PIBF1: variants seen among roughly 807,000 people sequenced by gnomAD.
PIBF1 encodes the protein progesterone immunomodulatory binding factor 1, also known as progesterone-induced-blocking factor 1.
A neutral mutation model predicts 112.5 loss-of-function variants in PIBF1; 90 were observed. The observed-to-expected ratio is 0.80, with a 90% CI of 0.67 to 0.95. PIBF1 has a LOEUF of 0.95. PIBF1 is among the 40% of genes least tolerant of loss of function. The pLI is 0.00. For missense variants in PIBF1, 915 were observed against 852.3 expected (o/e 1.07, Z -0.92); for synonymous variants, 301 against 288.6 (o/e 1.04, Z -0.44).
At chr13:72,882,012 G>A (rs1280669819) in intron 10 of PIBF1, among the ~76,000 whole-genome samples, 26 of 151,928 alleles carry the variant, frequency 1.7e-4, no homozygotes. Context: ...GCAAAACTGA[G>A]GAATCACATT....
intron 10 of PIBF1, among the ~76,000 whole-genome samples, chr13:72,874,416 A>G (rs1422967040): frequency 6.6e-6 from 1 of 152,244 alleles, no homozygotes; most frequent in East Asian, 1.9e-4. Flanking sequence ...AAAGGAGGAA[A>G]CTACTTATAT....
At chr13:72,860,317 G>T (rs2038636953) in intron 10 of PIBF1, among the ~76,000 whole-genome samples, 2 of 59,588 alleles carry the variant, frequency 3.4e-5, no homozygotes, top group Admixed American at 1.4e-4. Flanking sequence ...GGGTGTGTGT[G>T]TGTGTGTGTG....
chr13:72,947,064 T>C (rs1449543697), intron 14 of PIBF1, among the ~76,000 whole-genome samples: 1 of 152,240 alleles, frequency 6.6e-6, no homozygotes. Flanking sequence ...GCAGAGGTTC[T>C]CCATGAGGGC....
intron 14 of PIBF1, among the ~76,000 whole-genome samples, chr13:72,964,820 T>C (rs565430161): frequency 1.2e-4 from 18 of 152,180 alleles, no homozygotes; most frequent in Non-Finnish European, 2.1e-4. Flanking sequence ...CCCCGCACTT[T>C]GGGAGGCTGA....
At chr13:72,833,316 G>A (rs994019317) in intron 8 of PIBF1, among the ~76,000 whole-genome samples, 3 of 152,128 alleles carry the variant, frequency 2.0e-5, no homozygotes. Context: ...TCTTGTTGGC[G>A]AGGAGTTGTG....
chr13:72,823,905 G>A (rs779090830), intron 6 of PIBF1, among the ~76,000 whole-genome samples: 2 of 152,056 alleles, frequency 1.3e-5, no homozygotes, highest in Non-Finnish European at 2.9e-5. Context: ...TTAGGATTTG[G>A]GTGCTATGGT....
At chr13:72,796,475 A>G (rs1277520945) in intron 4 of PIBF1, among the ~76,000 whole-genome samples, 3 of 152,184 alleles carry the variant, frequency 2.0e-5, no homozygotes, top group African/African-American at 7.2e-5. Context: ...AATTGTAAAG[A>G]CTATAACTAT....
At chr13:72,963,790 C>T (rs887232715) in intron 14 of PIBF1, among the ~76,000 whole-genome samples, 1 of 152,094 alleles carries the variant, frequency 6.6e-6, no homozygotes, top group Admixed American at 6.6e-5. Flanking sequence ...GAAGACTTCT[C>T]TCCAAAGAAG....
At chr13:72,828,578 C>T (rs2036940790) in intron 8 of PIBF1, among the ~76,000 whole-genome samples, 1 of 152,116 alleles carries the variant, frequency 6.6e-6, no homozygotes, top group African/African-American at 2.4e-5. Flanking sequence ...TTTCCAGCTT[C>T]ATCCATGTCC....
At chr13:72,880,542 A>G (rs2039582056) in intron 10 of PIBF1, among the ~76,000 whole-genome samples, 1 of 152,222 alleles carries the variant, frequency 6.6e-6, no homozygotes, top group South Asian at 2.1e-4. Context: ...TATCACTGTT[A>G]TGCTCATTTT....
At position 72,832,071 on chromosome 13, in the gene PIBF1, C is replaced by CTTT. The variant is rs1491281184; in HGVS notation, c.1098-3172_1098-3171insTTT. Among the ~76,000 whole-genome samples, 101 of 59,484 alleles carry CTTT rather than the reference C, an allele frequency of 1.7e-3. 27 individuals carry two copies. Among genetic ancestry groups the CTTT allele is most frequent in the African/African-American group, 2.9e-3 (52 of 17,824 alleles). The allele number at this position is 59,484 out of a possible 152,430, so 39.0% of individuals were successfully genotyped here. ...TCAGAGATTAGAATTGCAATTCCGG[C>CTTT]CTTTTTTTTTTTTTTTTTTTTTTTT... On this transcript the variant is annotated intron_variant, in intron 8 of 17. Transcript: ENST00000326291.
rs1366975860 is a variant in PIBF1 at position 73,004,894 on chromosome 13, A to C, written c.2223+5899A>C. ...GTAATACCACTGATATGTACATTTA[A>C]AAATGGTTGGCCGGGCACTGTGGCT... On this transcript the variant is annotated intron_variant, in intron 17 of 17. Transcript: ENST00000326291. Among the ~76,000 whole-genome samples the C allele has an allele frequency of 4.6e-5, 7 of 152,228 alleles. No homozygotes were observed. The East Asian group carries it at 1.4e-3, about 29-fold the overall frequency.
chr13:72,950,787 A>G (rs977385693), intron 14 of PIBF1, among the ~76,000 whole-genome samples: 18 of 152,216 alleles, frequency 1.2e-4, no homozygotes, highest in Non-Finnish European at 1.2e-4. Flanking sequence ...TGGTGCTCAT[A>G]CTGGAGTTGG....
At chr13:72,873,594 G>A (rs58627928) in intron 10 of PIBF1, among the ~76,000 whole-genome samples, 1 of 151,942 alleles carries the variant, frequency 6.6e-6, no homozygotes, top group African/African-American at 2.4e-5. Flanking sequence ...TAGAGGCGAG[G>A]TTTCACCATG....
chr13:72,998,139 T>G (rs2043739305), intron 16 of PIBF1, among the ~76,000 whole-genome samples: 1 of 152,166 alleles, frequency 6.6e-6, no homozygotes, highest in Non-Finnish European at 1.5e-5. Flanking sequence ...CTCTACCATC[T>G]TTATATAAGA....
intron 16 of PIBF1, among the ~76,000 whole-genome samples, chr13:72,982,218 G>A (rs891047556): frequency 2.0e-5 from 3 of 152,076 alleles, no homozygotes; most frequent in Admixed American, 6.6e-5. Context: ...CAGGCAGATC[G>A]CTTGAGCTCA....
chr13:72,825,866 G>A lies in PIBF1; in HGVS notation c.807-1144G>A, dbSNP rs184960781. The stretch of plus-strand genomic sequence containing the variant: ...GGATCACTTGAGCCCAGGACTTTAA[G>A]ACTAGCCAGGGCAATATAGCAAGAC... On this transcript the variant is annotated intron_variant, in intron 6 of 17. Coordinates refer to ENST00000326291, the MANE Select transcript of PIBF1 (RefSeq NM_006346.4). 8.5e-3 allele frequency among the ~76,000 whole-genome samples: 1,251 copies of A among 146,976 alleles called. 18 individuals are homozygous for A. Among genetic ancestry groups the A allele is most frequent in the African/African-American group, 0.03 (1,189 of 39,788 alleles).
intron 2 of PIBF1, among the ~76,000 whole-genome samples, chr13:72,784,275 T>TA (rs5804646): frequency 0.57 from 70,709 of 123,880 alleles, 20,829 homozygotes; most frequent in East Asian, 0.76. Context: ...CAGCTCTACT[T>TA]AAAAAAAAAA....
intron 12 of PIBF1, among the ~76,000 whole-genome samples, chr13:72,909,236 C>G (rs1466693786): frequency 6.6e-6 from 1 of 152,058 alleles, no homozygotes; most frequent in African/African-American, 2.4e-5. Flanking sequence ...TTCACTTACT[C>G]CAGAATTGTT....
Sources: gnomAD v4.1 joint callset for allele counts (sites outside exome capture counted in the v4.1 genomes callset) on GRCh38, gnomAD v4.1.1 for gene constraint, MANE v1.5 for transcripts, NCBI Gene and HGNC (gene_info 2026-07-23, HGNC 2026-07-21) for gene names.